The following CNTNAP2 variants were observed in gnomAD, a reference collection of about 807,000 sequenced individuals.
CNTNAP2 encodes contactin associated protein 2.
A neutral mutation model predicts 155.2 loss-of-function variants in CNTNAP2; 98 were observed. The observed-to-expected ratio is 0.63, with a 90% CI of 0.54 to 0.75. The LOEUF (loss-of-function observed/expected upper bound fraction) is 0.75, where lower values mean the gene tolerates loss of function less well. Among genes scored for constraint, CNTNAP2 ranks in the 30% least tolerant of loss-of-function variants. The pLI is 0.00. For missense variants in CNTNAP2, 1,727 were observed against 1,688.1 expected (o/e 1.02, Z -0.40); for synonymous variants, 651 against 631.2 (o/e 1.03, Z -0.47).
intron 8 of CNTNAP2, among the ~76,000 whole-genome samples, chr7:147,164,002 T>C (rs1358399809): frequency 2.0e-5 from 3 of 152,144 alleles, no homozygotes; most frequent in Non-Finnish European, 4.4e-5. Context: ...ACTAGAGAGA[T>C]ACATATTGAC....
intron 13 of CNTNAP2, among the ~76,000 whole-genome samples, chr7:147,660,103 G>C (rs767056063): frequency 6.6e-6 from 1 of 152,186 alleles, no homozygotes; most frequent in African/African-American, 2.4e-5. Context: ...CAAAGCAGTG[G>C]TGATGTGAGT....
chr7:148,369,359 T>TGGCTAATTTGTGCCACTACACCC (rs1308480636), intron 21 of CNTNAP2, among the ~76,000 whole-genome samples: 180 of 151,906 alleles, frequency 1.2e-3, no homozygotes, highest in African/African-American at 4.2e-3. Flanking sequence ...CCACTACACC[T>TGGCTAATTTGTGCCACTACACCC]GGCTAATTTG....
At chr7:147,820,582 T>A (rs543582540) in intron 13 of CNTNAP2, among the ~76,000 whole-genome samples, 1 of 152,232 alleles carries the variant, frequency 6.6e-6, no homozygotes, top group South Asian at 2.1e-4. Context: ...CTAAAAAAGC[T>A]TTGCCTCCCC....
intron 3 of CNTNAP2, among the ~76,000 whole-genome samples, chr7:146,884,156 A>T (rs1562986544): frequency 6.6e-6 from 1 of 152,266 alleles, no homozygotes; most frequent in East Asian, 1.9e-4. Flanking sequence ...CAAGACCTGC[A>T]GTTAGCTCTG....
intron 16 of CNTNAP2, among the ~76,000 whole-genome samples, chr7:148,121,753 T>A (rs1377059194): frequency 6.6e-6 from 1 of 152,192 alleles, no homozygotes; most frequent in Non-Finnish European, 1.5e-5. Context: ...TGAGATACCA[T>A]CAGCATCTTA....
Position 147,725,573 on chromosome 7 carries a change from CCAA to C in CNTNAP2, c.2098+86269_2098+86271del, listed in dbSNP as rs1423604372. 2.6e-5 allele frequency among the ~76,000 whole-genome samples: 4 copies of C among 152,158 alleles called. No individual in the cohort carries two copies. In the South Asian group the frequency reaches 8.3e-4, roughly 32 times the overall value. On this transcript the variant is annotated intron_variant, in intron 13 of 23. Coordinates refer to ENST00000361727, the MANE Select transcript of CNTNAP2 (RefSeq NM_014141.6). The stretch of plus-strand genomic sequence containing the variant: ...CACTCTCTCTCCTCCTCTCTGGAGT[CCAA>C]CTGCAGCTGTAACTTTGGCTCTGAA...
chr7:147,871,138 C>T (rs1232700632), intron 13 of CNTNAP2, among the ~76,000 whole-genome samples: 3 of 152,120 alleles, frequency 2.0e-5, no homozygotes, highest in African/African-American at 4.8e-5. Flanking sequence ...TTGGAAAGTA[C>T]ATTTCACTCA....
chr7:146,859,949 A>T (rs1383299949), intron 3 of CNTNAP2, among the ~76,000 whole-genome samples: 4 of 152,204 alleles, frequency 2.6e-5, no homozygotes, highest in African/African-American at 9.6e-5. Flanking sequence ...GAGGAAACCT[A>T]GAGTGGGGGA....
chr7:146,133,895 G>A lies in CNTNAP2; in HGVS notation c.97+16922G>A, dbSNP rs1401655754. On this transcript the variant is annotated intron_variant, in intron 1 of 23. Transcript: ENST00000361727. ...TGGCTTAGGATTGACTTGGCGATGC[G>A]GGCTCTTTTTTGGTTCCATATGAAC... Among the ~76,000 whole-genome samples, 104 of 151,856 alleles carry A rather than the reference G, an allele frequency of 6.8e-4. 1 individual carries two copies. Among genetic ancestry groups the A allele is most frequent in the African/African-American group, 2.2e-3 (90 of 41,366 alleles).
intron 13 of CNTNAP2, among the ~76,000 whole-genome samples, chr7:147,763,795 C>G (rs1797344156): frequency 1.3e-5 from 2 of 152,266 alleles, no homozygotes; most frequent in South Asian, 4.2e-4. Context: ...GTGTGGGGAG[C>G]TAAGTCAAGT....
intron 12 of CNTNAP2, among the ~76,000 whole-genome samples, chr7:147,624,772 T>A (rs1425936013): frequency 1.3e-5 from 2 of 152,096 alleles, no homozygotes; most frequent in Admixed American, 6.6e-5. Context: ...CACAAAAGAA[T>A]GGAAATCAGT....
intron 1 of CNTNAP2, among the ~76,000 whole-genome samples, chr7:146,209,647 TGTAAAA>T (rs1799003480): frequency 6.6e-6 from 1 of 152,192 alleles, no homozygotes; most frequent in Non-Finnish European, 1.5e-5. Context: ...AAAAGTCAAA[TGTAAAA>T]GTATAGTATC....
intron 15 of CNTNAP2, among the ~76,000 whole-genome samples, chr7:148,114,562 A>G (rs973292323): frequency 6.6e-6 from 1 of 152,204 alleles, no homozygotes; most frequent in Non-Finnish European, 1.5e-5. Flanking sequence ...CAGAAGCGCT[A>G]TCAGCACTGG....
chr7:148,213,702 T>C (rs1286940079), intron 18 of CNTNAP2, among the ~76,000 whole-genome samples: 1 of 150,914 alleles, frequency 6.6e-6, no homozygotes, highest in Admixed American at 6.6e-5. Flanking sequence ...AACTGCTCAG[T>C]GTGTTTTCTC....
intron 3 of CNTNAP2, among the ~76,000 whole-genome samples, chr7:146,852,927 G>A (rs1178564255): frequency 1.3e-5 from 2 of 152,158 alleles, no homozygotes; most frequent in Non-Finnish European, 2.9e-5. Context: ...CACAGTGACT[G>A]TCTCGTTTGT....
chr7:146,720,936 ACTTT>A (rs1356969644), intron 1 of CNTNAP2, among the ~76,000 whole-genome samples: 100 of 139,124 alleles, frequency 7.2e-4, no homozygotes, highest in East Asian at 2.1e-3. Flanking sequence ...CTATATATAT[ACTTT>A]CTCTATATAT....
chr7:146,605,355 G>A (rs1563153706), intron 1 of CNTNAP2, among the ~76,000 whole-genome samples: 1 of 151,346 alleles, frequency 6.6e-6, no homozygotes, highest in East Asian at 2.0e-4. Context: ...TGGATTCAGA[G>A]ATTAAACACC....
At chr7:146,351,544 T>C (rs994715388) in intron 1 of CNTNAP2, among the ~76,000 whole-genome samples, 5 of 152,190 alleles carry the variant, frequency 3.3e-5, no homozygotes, top group Non-Finnish European at 7.4e-5. Context: ...ATGAATACTC[T>C]TATTAATGTC....
intron 21 of CNTNAP2, among the ~76,000 whole-genome samples, chr7:148,329,860 C>T (rs1797954831): frequency 6.7e-6 from 1 of 150,250 alleles, no homozygotes; most frequent in Non-Finnish European, 1.5e-5. Flanking sequence ...TTCCCTGATG[C>T]ACACCCCCCG....
Sources: allele counts gnomAD v4.1 joint callset (sites outside exome capture counted in the v4.1 genomes callset), GRCh38; gene constraint gnomAD v4.1.1; transcripts MANE v1.5; gene names NCBI Gene and HGNC (gene_info 2026-07-23, HGNC 2026-07-21).